The following PARD3 variants were observed in gnomAD, a reference collection of about 807,000 sequenced individuals.
PARD3 encodes partitioning defective 3 homolog.
Under a neutral mutation model 155.4 loss-of-function variants are expected in PARD3, and 75 were observed. That is an observed-to-expected ratio of 0.48 (90% CI 0.40 to 0.58). The LOEUF is 0.58. PARD3 is among the 20% of genes least tolerant of loss of function. The pLI is 0.00. For missense variants in PARD3, 1,642 were observed against 1,721.7 expected, an observed-to-expected ratio of 0.95 and a Z score of 0.82; for synonymous variants, 576 against 610.5, an observed-to-expected ratio of 0.94 and a Z score of 0.83.
intron 20 of PARD3, among the ~76,000 whole-genome samples, chr10:34,300,284 T>C (rs2799451): frequency 0.68 from 103,177 of 152,024 alleles, 35,977 homozygotes; most frequent in African/African-American, 0.84. Context: ...GAAATGTATG[T>C]GAGTACATAG....
At chr10:34,535,026 C>A (rs1284574709) in intron 2 of PARD3, among the ~76,000 whole-genome samples, 8 of 152,060 alleles carry the variant, frequency 5.3e-5, no homozygotes, top group Non-Finnish European at 1.0e-4. Flanking sequence ...AATGAATCAT[C>A]CTATTTTGTC....
chr10:34,257,653 A>C (rs1248638871), intron 22 of PARD3, among the ~76,000 whole-genome samples: 1 of 152,220 alleles, frequency 6.6e-6, no homozygotes, highest in Non-Finnish European at 1.5e-5. Context: ...CAAAGTCTAA[A>C]ACAGCTTTCA....
intron 20 of PARD3, among the ~76,000 whole-genome samples, chr10:34,316,413 T>A (rs1347612180): frequency 6.6e-6 from 1 of 152,216 alleles, no homozygotes; most frequent in Non-Finnish European, 1.5e-5. Flanking sequence ...TAGAGTATAA[T>A]TTATGGGCAC....
At chr10:34,184,540 T>C (rs187526107) in intron 22 of PARD3, among the ~76,000 whole-genome samples, 139 of 152,268 alleles carry the variant, frequency 9.1e-4, no homozygotes, top group African/African-American at 2.9e-3. Context: ...ATTAGCATTA[T>C]TCTGTTTTCC....
chr10:34,432,591 T>C (rs911682824), intron 5 of PARD3, among the ~76,000 whole-genome samples: 5 of 152,054 alleles, frequency 3.3e-5, no homozygotes, highest in Non-Finnish European at 7.4e-5. Flanking sequence ...TCTGAACACA[T>C]AGGTTGCTAT....
chr10:34,509,299 C>T (rs781047876), intron 3 of PARD3, among the ~76,000 whole-genome samples: 14 of 151,936 alleles, frequency 9.2e-5, no homozygotes, highest in South Asian at 2.1e-4. Context: ...TCAAGCTCTT[C>T]GTGTTCAATA....
At chr10:34,264,496 A>G (rs1041967462) in intron 22 of PARD3, among the ~76,000 whole-genome samples, 2 of 152,210 alleles carry the variant, frequency 1.3e-5, no homozygotes, top group African/African-American at 4.8e-5. Flanking sequence ...AAGAACTAGA[A>G]GAGCTGCTCA....
At chr10:34,251,267 T>C (rs1490480205) in intron 22 of PARD3, among the ~76,000 whole-genome samples, 1 of 152,202 alleles carries the variant, frequency 6.6e-6, no homozygotes, top group East Asian at 1.9e-4. Context: ...TCCAATATCA[T>C]ACCCATGCAA....
At chr10:34,232,522 T>C (rs1271480281) in intron 22 of PARD3, among the ~76,000 whole-genome samples, 1 of 152,122 alleles carries the variant, frequency 6.6e-6, no homozygotes, top group Non-Finnish European at 1.5e-5. Context: ...ATGACTTTTA[T>C]ACACGTGAAT....
rs1375813333 is a variant in PARD3, at chr10:34,111,168, C to G, written c.*1G>C. The G allele has an allele frequency of 6.5e-7, 1 of 1,539,238 alleles. No individual in the cohort carries two copies. On this transcript the variant is annotated 3_prime_UTR_variant, in exon 25 of 25. Transcript: ENST00000374788. ...ACATGAAGCATCCGTTATTTGCGTG[C>G]TCAGGAATAGAAGGGCCTCCCTTTC...
intron 5 of PARD3, among the ~76,000 whole-genome samples, chr10:34,422,037 AG>A (rs1246799967): frequency 6.6e-6 from 1 of 152,184 alleles, no homozygotes; most frequent in Non-Finnish European, 1.5e-5. Context: ...GACCAGACCA[AG>A]GGCCCTAAGG....
At chr10:34,149,059 G>C (rs1948658061) in intron 22 of PARD3, among the ~76,000 whole-genome samples, 2 of 152,166 alleles carry the variant, frequency 1.3e-5, no homozygotes, top group East Asian at 3.9e-4. Context: ...TAAGTATCTT[G>C]ATATCAGGGA....
rs576490356 is a variant in PARD3, at chr10:34,712,072, C to T, written c.121-15653G>A. 4.6e-5 allele frequency among the ~76,000 whole-genome samples: 7 copies of T among 152,234 alleles called. No homozygotes were observed. The South Asian group carries it at 1.2e-3, about 27-fold the overall frequency. ...AGGCAGAAGAAGTGAGCTTAAGCCC[C>T]GATAAATATCTTACTCATACCCCAG... is the stretch of plus-strand genomic sequence containing the variant. On this transcript the variant is annotated intron_variant, in intron 1 of 24. Coordinates refer to ENST00000374788, the MANE Select transcript of PARD3 (RefSeq NM_001184785.2).
At position 34,129,633 on chromosome 10, in the gene PARD3, A is replaced by G. The variant is rs557576105; in HGVS notation, c.3540+1830T>C. ...TCTCCCCTTCCCTTCAACATAACCA[A>G]CCTCTCAGCTGGGTAGTTTACCCTT... On this transcript the variant is annotated intron_variant, in intron 23 of 24. Coordinates refer to ENST00000374788, the MANE Select transcript of PARD3 (RefSeq NM_001184785.2). 1.9e-3 allele frequency among the ~76,000 whole-genome samples: 266 copies of G among 142,718 alleles called. 1 individual carries two copies. The highest frequency in any genetic ancestry group is 6.3e-3 in the African/African-American group (240 of 38,224). 93.6% of individuals were successfully genotyped at this position (142,718 alleles called of 152,430 possible).
chr10:34,281,786 G>T (rs1020022406), intron 21 of PARD3, among the ~76,000 whole-genome samples: 3 of 152,070 alleles, frequency 2.0e-5, no homozygotes, highest in Non-Finnish European at 2.9e-5. Context: ...GGCAAAAAAA[G>T]TTCTGGTTTG....
intron 5 of PARD3, among the ~76,000 whole-genome samples, chr10:34,407,154 G>C (rs1844568720): frequency 6.6e-6 from 1 of 152,172 alleles, no homozygotes; most frequent in Non-Finnish European, 1.5e-5. Context: ...TCATTTTTAT[G>C]ATAAGTCTTT....
At chr10:34,530,014 C>T (rs1289459222) in intron 2 of PARD3, among the ~76,000 whole-genome samples, 3 of 152,188 alleles carry the variant, frequency 2.0e-5, no homozygotes, top group East Asian at 3.9e-4. Context: ...GGATTATAGG[C>T]CTAAGCCACC....
intron 1 of PARD3, among the ~76,000 whole-genome samples, chr10:34,745,431 G>GATAAGAGAGAGA: frequency 6.8e-6 from 1 of 146,452 alleles, no homozygotes; most frequent in East Asian, 2.0e-4. Context: ...AGGGAGGGAG[G>GATAAGAGAGAGA]GAAAGAGAGA....
rs114001255 is a variant in PARD3 at position 34,419,600 on chromosome 10, A to G, written c.715-17683T>C. ...ACCAATCCATTTCAGTTTGGAGTGT[A>G]TGTATGTCTATTTAGAAAATGTTTT... On this transcript the variant is annotated intron_variant, in intron 5 of 24. Coordinates refer to ENST00000374788, the MANE Select transcript of PARD3 (RefSeq NM_001184785.2). Among the ~76,000 whole-genome samples the G allele has an allele frequency of 6.4e-3, 976 of 152,324 alleles. 9 individuals are homozygous for G. Among genetic ancestry groups the G allele is most frequent in the African/African-American group, 0.022 (923 of 41,592 alleles).
Sources: gnomAD v4.1 joint callset for allele counts (sites outside exome capture counted in the v4.1 genomes callset) on GRCh38, gnomAD v4.1.1 for gene constraint, MANE v1.5 for transcripts, NCBI Gene and HGNC (gene_info 2026-07-23, HGNC 2026-07-21) for gene names.